CNTNAP5: variants seen among roughly 807,000 people sequenced by gnomAD.
The protein encoded by CNTNAP5 is contactin associated protein family member 5.
In CNTNAP5, 72 loss-of-function variants were observed where a neutral mutation model predicts 150.2. The ratio of observed to expected loss-of-function variants is 0.48; its 90% CI spans 0.40 to 0.58. The LOEUF (loss-of-function observed/expected upper bound fraction) is 0.58. CNTNAP5 is among the 20% of genes least tolerant of loss of function. The probability of loss-of-function intolerance (pLI) is 0.00; values close to 1 mark genes in which losing one functional copy is unlikely to be tolerated. For synonymous variants in CNTNAP5, 672 were observed against 619.8 expected (o/e 1.08, Z -1.25); for missense variants, 1,636 against 1,626.2 (o/e 1.01, Z -0.10).
intron 8 of CNTNAP5, among the ~76,000 whole-genome samples, chr2:124,519,425 A>T (rs1420451498): frequency 6.6e-6 from 1 of 152,258 alleles, no homozygotes; most frequent in South Asian, 2.1e-4. Flanking sequence ...AAAACTTTTC[A>T]GAGCTTTTTG....
intron 1 of CNTNAP5, among the ~76,000 whole-genome samples, chr2:124,163,762 A>G (rs1166683568): frequency 6.6e-6 from 1 of 152,082 alleles, no homozygotes; most frequent in African/African-American, 2.4e-5. Flanking sequence ...CATTTCTTTC[A>G]AGTTAAGGAA....
chr2:124,245,056 C>A (rs1049362126), intron 3 of CNTNAP5, among the ~76,000 whole-genome samples: 9 of 152,078 alleles, frequency 5.9e-5, no homozygotes, highest in African/African-American at 2.2e-4. Flanking sequence ...TTGATTTTCA[C>A]AGAATTGATT....
chr2:124,161,347 G>C (rs1684673750), intron 1 of CNTNAP5, among the ~76,000 whole-genome samples: 1 of 152,108 alleles, frequency 6.6e-6, no homozygotes, highest in African/African-American at 2.4e-5. Context: ...GGAGTGAGGT[G>C]AGGTGAGGGA....
chr2:124,212,897 G>A (rs1686054560), intron 1 of CNTNAP5, among the ~76,000 whole-genome samples: 1 of 134,946 alleles, frequency 7.4e-6, no homozygotes, highest in Non-Finnish European at 1.5e-5. Flanking sequence ...AGCGTGCAAT[G>A]GCGCTATCTC....
chr2:124,032,485 A>G (rs1218654308), intron 1 of CNTNAP5, among the ~76,000 whole-genome samples: 1 of 152,176 alleles, frequency 6.6e-6, no homozygotes, highest in Non-Finnish European at 1.5e-5. Context: ...CAAGAAAACC[A>G]GTTAAGAGAT....
At chr2:124,493,176 A>G (rs1222135436) in intron 7 of CNTNAP5, among the ~76,000 whole-genome samples, 1 of 152,050 alleles carries the variant, frequency 6.6e-6, no homozygotes, top group Non-Finnish European at 1.5e-5. Flanking sequence ...GAGTTTTTTC[A>G]TGAAGGGATG....
chr2:124,478,821 C>T (rs1026608138), intron 7 of CNTNAP5, among the ~76,000 whole-genome samples: 4 of 152,164 alleles, frequency 2.6e-5, no homozygotes, highest in Non-Finnish European at 5.9e-5. Flanking sequence ...AAGGGATCAA[C>T]AAATCAGGCA....
chr2:124,844,993 G>C (rs1558797928), intron 19 of CNTNAP5, among the ~76,000 whole-genome samples: 1 of 151,984 alleles, frequency 6.6e-6, no homozygotes, highest in Admixed American at 6.6e-5. Context: ...TGATTGCTGT[G>C]GCTAGGACTT....
intron 1 of CNTNAP5, among the ~76,000 whole-genome samples, chr2:124,153,603 CTTTTTTTTT>C (rs948493792): frequency 1.2e-5 from 1 of 85,096 alleles, no homozygotes; most frequent in Non-Finnish European, 2.3e-5. Flanking sequence ...CCCCCCGGGA[CTTTTTTTTT>C]TTTTTTTTTT....
At chr2:124,090,973 A>G (rs1682799918) in intron 1 of CNTNAP5, among the ~76,000 whole-genome samples, 1 of 152,242 alleles carries the variant, frequency 6.6e-6, no homozygotes, top group African/African-American at 2.4e-5. Flanking sequence ...TTTCAAAAGT[A>G]AAAGAAAAAG....
At chr2:124,300,525 G>A (rs1344892195) in intron 3 of CNTNAP5, among the ~76,000 whole-genome samples, 1 of 152,164 alleles carries the variant, frequency 6.6e-6, no homozygotes, top group Admixed American at 6.5e-5. Flanking sequence ...GGAGGAAGAA[G>A]AGCGTAAGAA....
intron 10 of CNTNAP5, among the ~76,000 whole-genome samples, chr2:124,560,164 C>T (rs919755679): frequency 3.3e-5 from 5 of 152,072 alleles, no homozygotes; most frequent in Non-Finnish European, 5.9e-5. Context: ...TCCCCTAAAC[C>T]CTTCTCCCAA....
intron 13 of CNTNAP5, among the ~76,000 whole-genome samples, chr2:124,723,349 A>G (rs140744147): frequency 2.6e-5 from 4 of 152,266 alleles, no homozygotes; most frequent in Admixed American, 1.3e-4. Context: ...ATTTCCAGTA[A>G]CATGCTCCTC....
intron 3 of CNTNAP5, among the ~76,000 whole-genome samples, chr2:124,304,081 A>T (rs2104649129): frequency 6.6e-6 from 1 of 152,254 alleles, no homozygotes; most frequent in Non-Finnish European, 1.5e-5. Context: ...TAATGCCAGG[A>T]ACTATGCTAG....
chr2:124,813,929 G>A (rs577237098), intron 19 of CNTNAP5, among the ~76,000 whole-genome samples: 1 of 152,002 alleles, frequency 6.6e-6, no homozygotes, highest in East Asian at 2.0e-4. Context: ...CTGCCACGGA[G>A]TTCAAATTCT....
chr2:124,677,619 A>G lies in CNTNAP5; in HGVS notation c.2077+29661A>G, dbSNP rs185224893. 6.0e-5 allele frequency among the ~76,000 whole-genome samples: 9 copies of G among 150,034 alleles called. No homozygotes were observed. In the East Asian group the frequency reaches 1.7e-3, roughly 29 times the overall value. On this transcript the variant is annotated intron_variant, in intron 13 of 23. Coordinates refer to ENST00000682447, the MANE Select transcript of CNTNAP5 (RefSeq NM_001367498.1). ...TTACAGAGTGCTGACTGGTGCATTT[A>G]CAATCCTTCAGCTAGACACAGAGTG...
chr2:124,793,005 A>C (rs2104636014), intron 18 of CNTNAP5, among the ~76,000 whole-genome samples: 1 of 152,314 alleles, frequency 6.6e-6, no homozygotes, highest in Middle Eastern at 3.4e-3. Flanking sequence ...AAATATGTAC[A>C]ATTTTTGTGC....
chr2:124,360,553 C>A, intron 3 of CNTNAP5, among the ~76,000 whole-genome samples: 16 of 133,896 alleles, frequency 1.2e-4, no homozygotes, highest in Non-Finnish European at 1.5e-4. Context: ...GATTTTATTT[C>A]TCCTTCACTT....
intron 1 of CNTNAP5, among the ~76,000 whole-genome samples, chr2:124,221,444 A>G (rs1364340938): frequency 6.6e-6 from 1 of 151,986 alleles, no homozygotes; most frequent in African/African-American, 2.4e-5. Context: ...TGGCTGCGCT[A>G]TTTTCTAGCA....
Sources: allele counts gnomAD v4.1 joint callset (sites outside exome capture counted in the v4.1 genomes callset), GRCh38; gene constraint gnomAD v4.1.1; transcripts MANE v1.5; gene names NCBI Gene and HGNC (gene_info 2026-07-23, HGNC 2026-07-21).